The following AKAP8L variants were observed in gnomAD, a reference collection of about 807,000 sequenced individuals.
AKAP8L encodes the protein A-kinase anchoring protein 8 like.
In AKAP8L, 34 loss-of-function variants were observed where a neutral mutation model predicts 77.5. The ratio of observed to expected loss-of-function variants is 0.44; its 90% CI spans 0.33 to 0.58. The LOEUF is 0.58. AKAP8L is among the 20% of genes least tolerant of loss of function. The pLI, the probability that AKAP8L is intolerant of heterozygous loss-of-function variation, is 0.02. For synonymous variants in AKAP8L, 342 were observed against 340.7 expected (o/e 1.00, Z -0.04); for missense variants, 806 against 887.6 (o/e 0.91, Z 1.17).
rs760380831 is a variant in AKAP8L at position 15,410,541 on chromosome 19, C to A, written c.67G>T (p.Ala23Ser). ...TTACCATAATCACAGGTGGGCTGAG[C>A]GCTGGTATCCGAGTATGTCGACTGC... ...TLQSTYSDTS[A>S]QPTCDYGYGT... Residue 23 changes from alanine to serine, a missense_variant, in exon 2 of 14, where the codon GCT becomes TCT. Transcript: ENST00000397410. The A allele has an allele frequency of 2.5e-6, 4 of 1,588,254 alleles. No individual in the cohort carries two copies. Among genetic ancestry groups the A allele is most frequent in the Non-Finnish European group, 8.6e-7 (1 of 1,167,222 alleles).
At chr19:15,388,756 A>C (rs568047392) in intron 12 of AKAP8L, among the ~76,000 whole-genome samples, 2 of 151,502 alleles carry the variant, frequency 1.3e-5, no homozygotes, top group South Asian at 2.1e-4. Flanking sequence ...TCTACTAAAA[A>C]TACAAAAAAA....
intron 1 of AKAP8L, among the ~76,000 whole-genome samples, chr19:15,412,943 G>A (rs1465539846): frequency 1.3e-5 from 2 of 152,212 alleles, no homozygotes; most frequent in Admixed American, 6.5e-5. Context: ...CTCATGACCT[G>A]AAAATTAAAG....
At chr19:15,396,405 G>T (rs1967777448) in intron 12 of AKAP8L, among the ~76,000 whole-genome samples, 1 of 152,068 alleles carries the variant, frequency 6.6e-6, no homozygotes, top group South Asian at 2.1e-4. Context: ...ACCTACTCTG[G>T]CTTCCATGCT....
chr19:15,414,297 T>C (rs1439628910), intron 1 of AKAP8L, among the ~76,000 whole-genome samples: 3 of 152,176 alleles, frequency 2.0e-5, no homozygotes, highest in Non-Finnish European at 2.9e-5. Context: ...CCTCAGAAGA[T>C]CTGCCCGCCT....
chr19:15,410,391 G>A (rs1968084593), intron 2 of AKAP8L, 129 bp downstream of exon 2: 2 of 750,074 alleles, frequency 2.7e-6, no homozygotes, highest in African/African-American at 1.8e-5. Flanking sequence ...CTATTCAAAT[G>A]GCCACACCAT....
intron 1 of AKAP8L, among the ~76,000 whole-genome samples, chr19:15,414,317 A>T (rs1968162724): frequency 6.6e-6 from 1 of 152,162 alleles, no homozygotes; most frequent in South Asian, 2.1e-4. Flanking sequence ...TCGGTCTCCC[A>T]AAGTGCTGGG....
At position 15,398,635 on chromosome 19, in the gene AKAP8L, C is replaced by T; in HGVS notation, c.1157+667G>A. ...ACCTCGGGGCGGGTCCCTACCTCTG[C>T]CGGACGTCCTTATCTGGGCCACGGG... On this transcript the variant is annotated intron_variant, in intron 9 of 13. Coordinates refer to ENST00000397410, the MANE Select transcript of AKAP8L (RefSeq NM_014371.4). This position sits in a 1 kb window ranked among gnomAD's most constrained non-coding sequence, Gnocchi z 9.2. 1.0e-6 allele frequency: 1 copy of T among 986,638 alleles called. No individual in the cohort carries two copies. The allele number at this position is 986,638 out of a possible 1,614,324, so 61.1% of individuals were successfully genotyped here.
rs372876331 is a variant in AKAP8L, at chr19:15,401,088, G to A, written c.817-45C>T. 3.7e-5 allele frequency: 60 copies of A among 1,607,708 alleles called. No individual in the cohort carries two copies. The African/African-American group carries it at 7.1e-4, about 19-fold the overall frequency. On this transcript the variant is annotated intron_variant, in intron 5 of 13. Transcript: ENST00000397410. The surrounding 1 kb of genome is among the most constrained non-coding windows in gnomAD (Gnocchi z 6.2). ...AGCCGTGTCAGGGTGCATGGCACCCGGCCCTTAGCTCCGCCCCAGTGGGAA... is the reference window on the plus strand; with the variant it reads ...AGCCGTGTCAGGGTGCATGGCACCCAGCCCTTAGCTCCGCCCCAGTGGGAA...
At chr19:15,382,144 C>T (rs1181930650) in intron 12 of AKAP8L, 1 of 152,158 alleles carries the variant, frequency 6.6e-6, no homozygotes, top group Non-Finnish European at 1.5e-5. Flanking sequence ...CACTGGAACA[C>T]CCGCCCACAG....
In AKAP8L at chr19:15,398,884, G is replaced by T; in HGVS notation, c.1157+418C>A. The T allele has an allele frequency of 2.3e-6, 2 of 869,586 alleles. No homozygotes were observed. Among genetic ancestry groups the T allele is most frequent in the Non-Finnish European group, 2.8e-6 (2 of 705,132 alleles). 53.9% of individuals were successfully genotyped at this position (869,586 alleles called of 1,614,324 possible). A position where few individuals can be genotyped will look rare whatever the true frequency, so the allele number is the denominator to read the frequency against. On this transcript the variant is annotated intron_variant, in intron 9 of 13. Coordinates refer to ENST00000397410, the MANE Select transcript of AKAP8L (RefSeq NM_014371.4). The surrounding 1 kb of genome is among the most constrained non-coding windows in gnomAD (Gnocchi z 9.2). ...CCCGAGGCTGCCACAGCCCACAGGT[G>T]CTGCCATCTCTCCTGGGCACGGCGG... is the stretch of plus-strand genomic sequence containing the variant.
chr19:15,412,605 G>A (rs71334766), intron 1 of AKAP8L, among the ~76,000 whole-genome samples: 2 of 152,032 alleles, frequency 1.3e-5, no homozygotes, highest in African/African-American at 2.4e-5. Context: ...GCAGTGGCAC[G>A]ATCTCGGCTC....
intron 12 of AKAP8L, among the ~76,000 whole-genome samples, chr19:15,393,551 T>G (rs959841809): frequency 1.3e-5 from 2 of 152,126 alleles, no homozygotes; most frequent in Non-Finnish European, 2.9e-5. Context: ...AAGATGCCAT[T>G]AGTCAGTTAT....
chr19:15,386,024 C>T (rs2145107552), intron 12 of AKAP8L, among the ~76,000 whole-genome samples: 1 of 152,070 alleles, frequency 6.6e-6, no homozygotes. Context: ...CATTCTCCTG[C>T]CTCAGCCTCT....
chr19:15,397,195 G>A lies in AKAP8L; in HGVS notation c.1491C>T (p.Ile497=), dbSNP rs1207372626. ...CCATGGTCTTCAGATGCTTCTGGATGATCCCAAACTGCATGGGAATGAAGA... is the reference window on the plus strand; with the variant it reads ...CCATGGTCTTCAGATGCTTCTGGATAATCCCAAACTGCATGGGAATGAAGA... ...CDLFIPMQFG[I]IQKHLKTMDH... Residue 497 remains isoleucine (I), a synonymous_variant, in exon 12 of 14, where the codon ATC becomes ATT. Transcript: ENST00000397410. This position sits in a 1 kb window ranked among gnomAD's most constrained non-coding sequence, Gnocchi z 4.7. 5.0e-6 allele frequency: 8 copies of A among 1,613,904 alleles called. No homozygotes were observed. The Admixed American group carries it at 1.3e-4, about 27-fold the overall frequency.
chr19:15,404,101 C>T, intron 2 of AKAP8L, 59 bp from the exon 3 acceptor site: 1 of 1,557,360 alleles, frequency 6.4e-7, no homozygotes, highest in Non-Finnish European at 8.8e-7. Context: ...GGCCATAATT[C>T]AGGCGCAGAC....
Position 15,403,813 on chromosome 19 carries a change from C to T in AKAP8L, c.122-98G>A, listed in dbSNP as rs1216747486. The T allele has an allele frequency of 8.6e-7, 1 of 1,157,734 alleles. No homozygotes were observed. Among genetic ancestry groups the T allele is most frequent in the Non-Finnish European group, 1.3e-6 (1 of 796,592 alleles). 71.7% of individuals were successfully genotyped at this position (1,157,734 alleles called of 1,614,324 possible). A position where few individuals can be genotyped will look rare whatever the true frequency, so the allele number is the denominator to read the frequency against. On this transcript the variant is annotated intron_variant, in intron 3 of 13. Coordinates refer to ENST00000397410, the MANE Select transcript of AKAP8L (RefSeq NM_014371.4). The surrounding 1 kb of genome is among the most constrained non-coding windows in gnomAD (Gnocchi z 4.3). Reference sequence around the variant, plus strand: ...ACACAGATACAAGGGTATCTTCTGTCACAGAGAGAGAAGACCCTAGCCACT... The same window carrying T: ...ACACAGATACAAGGGTATCTTCTGTTACAGAGAGAGAAGACCCTAGCCACT...
chr19:15,388,740 C>T (rs1346019659), intron 12 of AKAP8L, among the ~76,000 whole-genome samples: 6 of 151,220 alleles, frequency 4.0e-5, no homozygotes, highest in Non-Finnish European at 8.8e-5. Context: ...ATGGTGAAAC[C>T]CCGTCTCTAC....
At position 15,397,030 on chromosome 19, in the gene AKAP8L, ACCTCCT is replaced by A; in HGVS notation, c.1536+114_1536+119del. 1 of 1,407,400 alleles carries A rather than the reference ACCTCCT, an allele frequency of 7.1e-7. No individual in the cohort carries two copies. The highest frequency in any genetic ancestry group is 9.8e-7 in the Non-Finnish European group (1 of 1,022,990). 87.2% of individuals were successfully genotyped at this position (1,407,400 alleles called of 1,614,324 possible). A position where few individuals can be genotyped will look rare whatever the true frequency, so the allele number is the denominator to read the frequency against. ...CACTGAGCTGGAAATGTCCATATCCACCTCCTCCTGCCTCCACTGCAGTCCCTCACG... is the reference window on the plus strand; with the variant it reads ...CACTGAGCTGGAAATGTCCATATCCACCTGCCTCCACTGCAGTCCCTCACG... On this transcript the variant is annotated intron_variant, in intron 12 of 13. Coordinates refer to ENST00000397410, the MANE Select transcript of AKAP8L (RefSeq NM_014371.4). The surrounding 1 kb of genome is among the most constrained non-coding windows in gnomAD (Gnocchi z 4.7).
At position 15,400,978 on chromosome 19, in the gene AKAP8L, C is replaced by T. The variant is rs775971199; in HGVS notation, c.882G>A (p.Thr294=). 51 of 1,613,970 alleles carry T rather than the reference C, an allele frequency of 3.2e-5. No individual in the cohort carries two copies. In the East Asian group the frequency reaches 3.6e-4, roughly 11 times the overall value. The stretch of plus-strand genomic sequence containing the variant: ...CTGAGTCGCTGTTGTCCGAGCAGTC[C>T]GTGCGGGTGGCTTTGCTATCTGGCT... ...PDEPDSKATR[T]DCSDNSDSDN... The change falls in exon 6 of 14, where the codon ACG becomes ACA. Residue 294 remains threonine, a synonymous_variant. Coordinates refer to ENST00000397410, the MANE Select transcript of AKAP8L (RefSeq NM_014371.4).
Sources: gnomAD v4.1 joint callset for allele counts (sites outside exome capture counted in the v4.1 genomes callset) on GRCh38, gnomAD v4.1.1 for gene constraint, Gnocchi (gnomAD v3.1) non-coding constraint, MANE v1.5 for transcripts, NCBI Gene and HGNC (gene_info 2026-07-23, HGNC 2026-07-21) for gene names.